SOX6: variants seen among roughly 807,000 people sequenced by gnomAD.
SOX6 encodes the protein SRY-box transcription factor 6, also known as transcription factor SOX-6.
Under a neutral mutation model 97.8 loss-of-function variants are expected in SOX6, and 11 were observed. That is an observed-to-expected ratio of 0.11 (90% CI 0.07 to 0.19). SOX6 has a LOEUF of 0.19. SOX6 is among the 10% of genes least tolerant of loss of function. SOX6 has a pLI of 1.00. For synonymous variants in SOX6, 360 were observed against 371.4 expected (o/e 0.97, Z 0.35); for missense variants, 810 against 1,039.5 (o/e 0.78, Z 3.04).
chr11:16,276,576 G>C (rs778530791), intron 3 of SOX6, among the ~76,000 whole-genome samples: 14 of 152,048 alleles, frequency 9.2e-5, no homozygotes, highest in African/African-American at 3.4e-4. Context: ...ATAATTCTTC[G>C]TCATGCACCA....
In SOX6 at chr11:16,192,504, A is replaced by G. The variant is rs1471313254; in HGVS notation, c.536-5549T>C. Among the ~76,000 whole-genome samples, 3 of 152,258 alleles carry G rather than the reference A, an allele frequency of 2.0e-5. No homozygotes were observed. The South Asian group carries it at 6.2e-4, about 32-fold the overall frequency. On this transcript the variant is annotated intron_variant, in intron 4 of 15. Transcript: ENST00000683767. Reference sequence around the variant, plus strand: ...TATAAATATGATGACAATTTCCCCCATCAAAAGTTTTCAAATACCATCTTT... The same window carrying G: ...TATAAATATGATGACAATTTCCCCCGTCAAAAGTTTTCAAATACCATCTTT...
chr11:16,270,855 G>A (rs1854236674), intron 3 of SOX6, among the ~76,000 whole-genome samples: 1 of 151,488 alleles, frequency 6.6e-6, no homozygotes, highest in South Asian at 2.1e-4. Context: ...GAGGTTACCA[G>A]GGAGTTTCAG....
chr11:16,423,223 AT>A, intron 1 of SOX6, among the ~76,000 whole-genome samples: 1 of 151,902 alleles, frequency 6.6e-6, no homozygotes, highest in Admixed American at 6.5e-5. Context: ...CTTTCTATAC[AT>A]TTTTCCCTTT....
chr11:15,978,855 T>G (rs1853574690), intron 15 of SOX6, among the ~76,000 whole-genome samples: 1 of 135,898 alleles, frequency 7.4e-6, no homozygotes, highest in South Asian at 2.2e-4. Context: ...ATATATAATA[T>G]ATATTATATA....
intron 4 of SOX6, among the ~76,000 whole-genome samples, chr11:16,223,403 T>TGATTTAG (rs1852599371): frequency 2.0e-5 from 3 of 152,158 alleles, no homozygotes; most frequent in Non-Finnish European, 4.4e-5. Context: ...ATCAGCATTC[T>TGATTTAG]AAGTTATAGA....
intron 3 of SOX6, among the ~76,000 whole-genome samples, chr11:16,262,098 A>T (rs3985603): frequency 6.6e-6 from 1 of 151,852 alleles, no homozygotes; most frequent in Admixed American, 6.6e-5. Context: ...TTAATCCTCT[A>T]TTCAAATTTG....
intron 3 of SOX6, among the ~76,000 whole-genome samples, chr11:16,637,801 G>A (rs7111945): frequency 0.27 from 40,667 of 151,874 alleles, 6,198 homozygotes; most frequent in East Asian, 0.53. Flanking sequence ...CATCATTCCA[G>A]CAAGCAGGGA....
intron 12 of SOX6, among the ~76,000 whole-genome samples, chr11:16,038,501 G>A (rs1242027312): frequency 2.6e-5 from 4 of 152,110 alleles, no homozygotes; most frequent in Admixed American, 2.0e-4. Context: ...GAGGAAGGGA[G>A]TAAGAATTTA....
intron 3 of SOX6, among the ~76,000 whole-genome samples, chr11:16,616,895 AAAC>A (rs1848477376): frequency 6.6e-6 from 1 of 151,992 alleles, no homozygotes; most frequent in Non-Finnish European, 1.5e-5. Context: ...AGCCAGTTCC[AAAC>A]AACATCTTTT....
chr11:16,413,623 C>A (rs575209832), intron 1 of SOX6, among the ~76,000 whole-genome samples: 1 of 147,080 alleles, frequency 6.8e-6, no homozygotes, highest in African/African-American at 2.5e-5. Flanking sequence ...TGGGTTCAAG[C>A]GATTCTCCAG....
intron 4 of SOX6, among the ~76,000 whole-genome samples, chr11:16,540,276 C>G (rs1399239934): frequency 6.6e-6 from 1 of 152,166 alleles, no homozygotes; most frequent in Non-Finnish European, 1.5e-5. Flanking sequence ...AACAGCCCTT[C>G]ATGCTAAAAA....
intron 3 of SOX6, among the ~76,000 whole-genome samples, chr11:16,688,317 T>C (rs1287662179): frequency 6.6e-6 from 1 of 152,162 alleles, no homozygotes; most frequent in African/African-American, 2.4e-5. Flanking sequence ...GAGCTTATGA[T>C]TTTTAACAAA....
intron 4 of SOX6, among the ~76,000 whole-genome samples, chr11:16,551,472 C>T (rs1429999673): frequency 6.6e-6 from 1 of 152,138 alleles, no homozygotes; most frequent in Non-Finnish European, 1.5e-5. Flanking sequence ...CAGATTGTCT[C>T]CAATCTACAA....
intron 6 of SOX6, among the ~76,000 whole-genome samples, chr11:16,142,134 G>A (rs1850160306): frequency 6.6e-6 from 1 of 152,148 alleles, no homozygotes. Flanking sequence ...CACATGGCCA[G>A]GCACCCCTCT....
At chr11:16,127,518 T>C (rs1447869383) in intron 6 of SOX6, among the ~76,000 whole-genome samples, 1 of 152,040 alleles carries the variant, frequency 6.6e-6, no homozygotes, top group Non-Finnish European at 1.5e-5. Context: ...AACTCAAACT[T>C]GTCAAAAATG....
intron 9 of SOX6, among the ~76,000 whole-genome samples, chr11:16,064,559 C>CAT (rs1196840757): frequency 5.3e-5 from 8 of 149,746 alleles, no homozygotes; most frequent in South Asian, 2.1e-4. Flanking sequence ...TATATGAAGC[C>CAT]ATATATATAT....
At chr11:16,364,247 T>A (rs1210331787) in intron 1 of SOX6, among the ~76,000 whole-genome samples, 1 of 152,064 alleles carries the variant, frequency 6.6e-6, no homozygotes, top group African/African-American at 2.4e-5. Context: ...AGAACAAGAA[T>A]AACTATCCTA....
At chr11:16,428,375 G>T (rs1354820508) in intron 1 of SOX6, among the ~76,000 whole-genome samples, 5 of 152,004 alleles carry the variant, frequency 3.3e-5, no homozygotes, top group African/African-American at 7.3e-5. Flanking sequence ...CATTGCTTTT[G>T]GTGTTTTAGA....
At chr11:16,143,628 A>G (rs1850209511) in intron 6 of SOX6, among the ~76,000 whole-genome samples, 1 of 152,218 alleles carries the variant, frequency 6.6e-6, no homozygotes, top group Non-Finnish European at 1.5e-5. Flanking sequence ...AGAGACACAC[A>G]TAGGCTCAAA....
Sources: allele counts gnomAD v4.1 joint callset (sites outside exome capture counted in the v4.1 genomes callset), GRCh38; gene constraint gnomAD v4.1.1; transcripts MANE v1.5; gene names NCBI Gene and HGNC (gene_info 2026-07-23, HGNC 2026-07-21).